The following PTPRD variants were observed in gnomAD, a reference collection of about 807,000 sequenced individuals.
PTPRD encodes receptor-type tyrosine-protein phosphatase delta.
Under a neutral mutation model 214.5 loss-of-function variants are expected in PTPRD, and 34 were observed. The ratio of observed to expected loss-of-function variants is 0.16; its 90% CI spans 0.12 to 0.21. The LOEUF (loss-of-function observed/expected upper bound fraction) is 0.21. Ranked by LOEUF, PTPRD falls within the 10% of genes least tolerant of loss-of-function variation. The pLI, the probability that PTPRD is intolerant of heterozygous loss-of-function variation, is 1.00. For missense variants in PTPRD, 2,545 were observed against 2,398.7 expected (o/e 1.06, Z -1.27); for synonymous variants, 1,128 against 845.7 (o/e 1.33, Z -5.79).
chr9:9,404,741 C>T (rs986345697), intron 8 of PTPRD, among the ~76,000 whole-genome samples: 2 of 152,002 alleles, frequency 1.3e-5, no homozygotes, highest in African/African-American at 4.8e-5. Context: ...TCACAGAGAA[C>T]ATGTATGAAG....
chr9:10,080,657 T>TA (rs2098221750), intron 3 of PTPRD, among the ~76,000 whole-genome samples: 2 of 152,124 alleles, frequency 1.3e-5, no homozygotes, highest in Admixed American at 6.6e-5. Context: ...AAATGCTAGA[T>TA]AAAATCCATT....
At chr9:9,153,419 G>C (rs1448050590) in intron 10 of PTPRD, among the ~76,000 whole-genome samples, 3 of 152,028 alleles carry the variant, frequency 2.0e-5, no homozygotes, top group African/African-American at 7.3e-5. Flanking sequence ...AGAGTGTTAA[G>C]GTGATAAATA....
intron 3 of PTPRD, among the ~76,000 whole-genome samples, chr9:10,078,265 C>A (rs1204712566): frequency 6.6e-6 from 1 of 150,864 alleles, no homozygotes; most frequent in Non-Finnish European, 1.5e-5. Flanking sequence ...GTAATCCCAG[C>A]ACTTTGGGAG....
At position 9,227,901 on chromosome 9, in the gene PTPRD, C is replaced by T. The variant is rs10977591; in HGVS notation, c.-202-44538G>A. ...CCAGAGCCAGAACCATCCAGCTAAG[C>T]TGTTCTTAAATTCCTGGCCCACAGA... On this transcript the variant is annotated intron_variant, in intron 9 of 45. Coordinates refer to ENST00000381196, the MANE Select transcript of PTPRD (RefSeq NM_002839.4). 7.9e-5 allele frequency among the ~76,000 whole-genome samples: 12 copies of T among 152,224 alleles called. No homozygotes were observed. The East Asian group carries it at 2.3e-3, about 30-fold the overall frequency.
chr9:10,104,187 T>C (rs2098600930), intron 3 of PTPRD, among the ~76,000 whole-genome samples: 1 of 151,622 alleles, frequency 6.6e-6, no homozygotes, highest in Admixed American at 6.6e-5. Context: ...GGAGTGATTG[T>C]ATAATGGGTA....
chr9:8,658,459 A>G (rs893261705), intron 12 of PTPRD, among the ~76,000 whole-genome samples: 9 of 152,184 alleles, frequency 5.9e-5, no homozygotes, highest in African/African-American at 4.8e-5. Context: ...GAGAGCTTCA[A>G]TGAGCAGTTT....
At chr9:8,806,030 T>C (rs1600388948) in intron 11 of PTPRD, among the ~76,000 whole-genome samples, 1 of 148,318 alleles carries the variant, frequency 6.7e-6, no homozygotes, top group South Asian at 2.2e-4. Context: ...AAAAAGAAAT[T>C]CTCCTGCCTC....
At chr9:9,054,577 G>A (rs2099692761) in intron 10 of PTPRD, among the ~76,000 whole-genome samples, 1 of 152,126 alleles carries the variant, frequency 6.6e-6, no homozygotes, top group African/African-American at 2.4e-5. Flanking sequence ...CAAGGCCAAG[G>A]GTGTGAGGGT....
intron 2 of PTPRD, among the ~76,000 whole-genome samples, chr9:10,450,762 C>T (rs2098836249): frequency 6.6e-6 from 1 of 151,942 alleles, no homozygotes; most frequent in African/African-American, 2.4e-5. Flanking sequence ...AGGCTTAATT[C>T]AGAAGACTTA....
At chr9:9,838,798 TTGTTGC>T (rs1378076505) in intron 5 of PTPRD, among the ~76,000 whole-genome samples, 51 of 152,320 alleles carry the variant, frequency 3.3e-4, no homozygotes, top group African/African-American at 1.2e-3. Context: ...ATTTTGGCTT[TTGTTGC>T]CATTGCTTTT....
intron 35 of PTPRD, among the ~76,000 whole-genome samples, chr9:8,407,089 G>A (rs543441619): frequency 2.0e-5 from 3 of 152,158 alleles, no homozygotes; most frequent in Non-Finnish European, 2.9e-5. Context: ...TCAGCCTTCT[G>A]TAGGACTTAC....
At chr9:9,982,711 G>A (rs887540924) in intron 4 of PTPRD, among the ~76,000 whole-genome samples, 1 of 151,756 alleles carries the variant, frequency 6.6e-6, no homozygotes, top group Admixed American at 6.6e-5. Context: ...TGTATTTGAT[G>A]CTATCTGTTA....
chr9:8,820,877 G>A (rs553366673), intron 11 of PTPRD, among the ~76,000 whole-genome samples: 3 of 152,148 alleles, frequency 2.0e-5, no homozygotes, highest in East Asian at 1.9e-4. Flanking sequence ...CTCCCTACAC[G>A]ACAAGTCAAG....
At chr9:8,459,456 T>C (rs2096316101) in intron 33 of PTPRD, among the ~76,000 whole-genome samples, 1 of 152,048 alleles carries the variant, frequency 6.6e-6, no homozygotes, top group Non-Finnish European at 1.5e-5. Context: ...AGGGAAGTAA[T>C]TTTGAATTTA....
intron 11 of PTPRD, among the ~76,000 whole-genome samples, chr9:8,971,077 T>A (rs2099235327): frequency 6.6e-6 from 1 of 151,546 alleles, no homozygotes; most frequent in Non-Finnish European, 1.5e-5. Context: ...ATTCTTTTCT[T>A]CTATAACTTT....
At chr9:9,245,447 T>G (rs1008746113) in intron 9 of PTPRD, among the ~76,000 whole-genome samples, 5 of 152,034 alleles carry the variant, frequency 3.3e-5, no homozygotes, top group African/African-American at 1.2e-4. Context: ...CCATAAAAAA[T>G]GATGAGTTCG....
intron 12 of PTPRD, among the ~76,000 whole-genome samples, chr9:8,707,930 G>C (rs1222456729): frequency 6.6e-6 from 1 of 152,250 alleles, no homozygotes; most frequent in African/African-American, 2.4e-5. Flanking sequence ...AAGTTTCCTT[G>C]TATGTGCCAG....
intron 2 of PTPRD, among the ~76,000 whole-genome samples, chr9:10,419,572 T>G (rs184573506): frequency 2.6e-5 from 4 of 151,860 alleles, no homozygotes; most frequent in Admixed American, 2.0e-4. Context: ...ATATACATGA[T>G]ATACTTTGAT....
At chr9:9,809,522 C>T (rs1352382839) in intron 5 of PTPRD, among the ~76,000 whole-genome samples, 6 of 152,196 alleles carry the variant, frequency 3.9e-5, no homozygotes, top group African/African-American at 7.2e-5. Flanking sequence ...CCTCGGCCTC[C>T]CAAAGTGCTG....
Sources: allele counts gnomAD v4.1 joint callset (sites outside exome capture counted in the v4.1 genomes callset), GRCh38; gene constraint gnomAD v4.1.1; transcripts MANE v1.5; gene names NCBI Gene and HGNC (gene_info 2026-07-23, HGNC 2026-07-21).